Variants in GHRHR observed in about 807,000 individuals in gnomAD.
GHRHR encodes growth hormone-releasing hormone receptor.
A neutral mutation model predicts 58.3 loss-of-function variants in GHRHR; 40 were observed. That is an observed-to-expected ratio of 0.69 (90% CI 0.53 to 0.89). The LOEUF (loss-of-function observed/expected upper bound fraction) is 0.89. GHRHR is among the 40% of genes least tolerant of loss of function. The pLI, the probability that GHRHR is intolerant of heterozygous loss-of-function variation, is 0.00. For synonymous variants in GHRHR, 249 were observed against 216.6 expected (o/e 1.15, Z -1.31); for missense variants, 551 against 541.3 (o/e 1.02, Z -0.18).
At chr7:30,971,255 G>A (rs1254135960) in intron 5 of GHRHR, 39 bp downstream of exon 5, 4 of 892,510 alleles carry the variant, frequency 4.5e-6, no homozygotes, top group Non-Finnish European at 7.3e-6. Flanking sequence ...ACCTTCCTTG[G>A]CTCCTTATTT....
chr7:30,975,187 G>T (rs1229567130), intron 9 of GHRHR, 147 bp downstream of exon 9: 1 of 716,172 alleles, frequency 1.4e-6, no homozygotes, highest in Non-Finnish European at 2.6e-6. Flanking sequence ...TCTCTGTGAG[G>T]CCCTCTCTGG....
chr7:30,970,453 T>C (rs1334755426), intron 4 of GHRHR, among the ~76,000 whole-genome samples: 1 of 152,178 alleles, frequency 6.6e-6, no homozygotes, highest in Non-Finnish European at 1.5e-5. Flanking sequence ...TGCCAGGCAC[T>C]CCCAAACCCA....
intron 3 of GHRHR, 95 bp downstream of exon 3, chr7:30,969,265 T>C: frequency 1.2e-6 from 1 of 852,948 alleles, no homozygotes; most frequent in South Asian, 1.4e-5. Flanking sequence ...TAACCTGGGT[T>C]TGTATACCAA....
In GHRHR at chr7:30,979,357, C is replaced by G. The variant is rs190966223; in HGVS notation, c.*113C>G. 2 of 1,056,818 alleles carry G rather than the reference C, an allele frequency of 1.9e-6. No homozygotes were observed. The highest frequency in any genetic ancestry group is 3.1e-5 in the African/African-American group (2 of 63,984). 65.5% of individuals were successfully genotyped at this position (1,056,818 alleles called of 1,614,324 possible). ...TCCCCACCCCAGCTGTTACCCAGCC[C>G]GGGGCAGGTGCAGCCCTTCCTCCCT... On this transcript the variant is annotated 3_prime_UTR_variant, in exon 13 of 13. Coordinates refer to ENST00000326139, the MANE Select transcript of GHRHR (RefSeq NM_000823.4).
At chr7:30,974,161 G>A (rs1361914937) in intron 7 of GHRHR, 23 bp downstream of exon 7, 4 of 1,611,352 alleles carry the variant, frequency 2.5e-6, no homozygotes, top group Non-Finnish European at 3.4e-6. Flanking sequence ...GGCGGGTTGG[G>A]CACCATGGGG....
chr7:30,970,859 A>G, intron 4 of GHRHR: 1 of 540,320 alleles, frequency 1.9e-6, no homozygotes, highest in South Asian at 2.0e-5. Flanking sequence ...GCCTCTCCTC[A>G]CCCTCAGAGC....
intron 1 of GHRHR, among the ~76,000 whole-genome samples, chr7:30,965,499 G>A (rs931193436): frequency 6.6e-6 from 1 of 152,110 alleles, no homozygotes; most frequent in African/African-American, 2.4e-5. Context: ...ATCTTAGAAC[G>A]ATCTATCCTT....
At chr7:30,967,837 T>C (rs1439833348) in intron 1 of GHRHR, among the ~76,000 whole-genome samples, 1 of 152,250 alleles carries the variant, frequency 6.6e-6, no homozygotes, top group East Asian at 1.9e-4. Context: ...TTCCTGCCTG[T>C]GTGCACCCCT....
At chr7:30,973,773 G>A (rs543195834) in intron 6 of GHRHR, among the ~76,000 whole-genome samples, 1 of 152,288 alleles carries the variant, frequency 6.6e-6, no homozygotes, top group East Asian at 1.9e-4. Flanking sequence ...GAAATAGATA[G>A]TAAATTAGAA....
chr7:30,974,260 G>A lies in GHRHR; in HGVS notation c.751+122G>A. 3 of 1,237,678 alleles carry A rather than the reference G, an allele frequency of 2.4e-6. No homozygotes were observed. In the Admixed American group the frequency reaches 5.2e-5, roughly 22 times the overall value. 76.7% of individuals were successfully genotyped at this position (1,237,678 alleles called of 1,614,324 possible). ...CAGAGAAGGAGAGGGACAGGCCACA[G>A]TCCGGCAGCAAGTGTTGGAGGGTGG... is the stretch of plus-strand genomic sequence containing the variant. On this transcript the variant is annotated intron_variant, in intron 7 of 12. Coordinates refer to ENST00000326139, the MANE Select transcript of GHRHR (RefSeq NM_000823.4).
intron 11 of GHRHR, among the ~76,000 whole-genome samples, chr7:30,977,079 C>T (rs928757558): frequency 6.6e-6 from 1 of 152,202 alleles, no homozygotes; most frequent in Non-Finnish European, 1.5e-5. Context: ...AACAGTACAG[C>T]CCTGGCAGGC....
At position 30,979,165 on chromosome 7, in the gene GHRHR, T is replaced by C; in HGVS notation, c.1193T>C (p.Leu398Pro). Residue 398 changes from leucine (L) to proline (P), a missense_variant, in exon 13 of 13, where the codon CTT (leucine) becomes CCT (proline). Physicochemically the swap from Leu to Pro is moderately conservative, Grantham distance 98. Transcript: ENST00000326139. ...SRKWHGHDPELLPAWRTRAKW... is the reference protein window; with the variant it reads ...SRKWHGHDPEPLPAWRTRAKW... ...AAGTGGCATGGCCATGACCCTGAGC[T>C]TCTGCCAGCCTGGAGGACCCGTGCT... is the stretch of plus-strand genomic sequence containing the variant. 1 of 1,613,864 alleles carries C rather than the reference T, an allele frequency of 6.2e-7. No individual in the cohort carries two copies. The highest frequency in any genetic ancestry group is 1.1e-5 in the South Asian group (1 of 91,078).
chr7:30,971,060 C>A (rs531764913), intron 4 of GHRHR, 59 bp from the exon 5 acceptor site: 78 of 775,882 alleles, frequency 1.0e-4, no homozygotes, highest in South Asian at 8.0e-4. Context: ...GATTGTCAAG[C>A]CTCTCTTTCC....
intron 1 of GHRHR, among the ~76,000 whole-genome samples, chr7:30,966,192 G>T (rs947491076): frequency 1.3e-5 from 2 of 152,136 alleles, no homozygotes; most frequent in African/African-American, 4.8e-5. Flanking sequence ...CCACAAATCT[G>T]CGGCAGAGCT....
chr7:30,969,782 G>A lies in GHRHR; in HGVS notation c.269-85G>A, dbSNP rs770158333. On this transcript the variant is annotated intron_variant, in intron 3 of 12. Transcript: ENST00000326139. ...GAGCTGTCCATGCAAACCCTGCCAG[G>A]GTCACTTGATGGTCCCTGGCACCCC... 2.3e-6 allele frequency: 3 copies of A among 1,312,448 alleles called. No individual in the cohort carries two copies. In the South Asian group the frequency reaches 3.5e-5, roughly 15 times the overall value. The allele number at this position is 1,312,448 out of a possible 1,614,324, so 81.3% of individuals were successfully genotyped here. A position where few individuals can be genotyped will look rare whatever the true frequency, so the allele number is the denominator to read the frequency against.
chr7:30,974,032 C>A lies in GHRHR; in HGVS notation c.645C>A (p.Thr215=), dbSNP rs1280515192. 6.2e-7 allele frequency: 1 copy of A among 1,614,078 alleles called. No individual in the cohort carries two copies. Among genetic ancestry groups the A allele is most frequent in the Non-Finnish European group, 8.5e-7 (1 of 1,179,992 alleles). The part of the protein sequence containing the change: ...SVAASHFATM[T]NFSWLLAEAV... ...CCGCCTCCCATTTCGCCACCATGACCAACTTCAGCTGGCTGTTGGCAGAAG... is the reference window on the plus strand; with the variant it reads ...CCGCCTCCCATTTCGCCACCATGACAAACTTCAGCTGGCTGTTGGCAGAAG... Residue 215 remains threonine (T), a synonymous_variant, in exon 7 of 13, where the codon ACC becomes ACA. Coordinates refer to ENST00000326139, the MANE Select transcript of GHRHR (RefSeq NM_000823.4).
chr7:30,977,808 G>T (rs141588897), intron 12 of GHRHR, among the ~76,000 whole-genome samples: 92 of 152,292 alleles, frequency 6.0e-4, no homozygotes, highest in Non-Finnish European at 1.1e-3. Context: ...GAAACAGAGA[G>T]AGCACCTAAA....
chr7:30,977,674 AC>A (rs956686851), intron 12 of GHRHR, among the ~76,000 whole-genome samples: 13 of 152,160 alleles, frequency 8.5e-5, no homozygotes, highest in Admixed American at 2.0e-4. Flanking sequence ...GGGAGGGGGT[AC>A]GCCAGCTGAG....
intron 11 of GHRHR, 126 bp downstream of exon 11, chr7:30,976,684 T>C (rs1792591564): frequency 1.3e-6 from 1 of 770,516 alleles, no homozygotes; most frequent in Non-Finnish European, 2.2e-6. Flanking sequence ...TATTCAAATA[T>C]CTGTCTGTCT....
Sources: gnomAD v4.1 joint callset for allele counts (sites outside exome capture counted in the v4.1 genomes callset) on GRCh38, gnomAD v4.1.1 for gene constraint, MANE v1.5 for transcripts, NCBI Gene and HGNC (gene_info 2026-07-23, HGNC 2026-07-21) for gene names.